Variants in GPHN observed in about 807,000 individuals in gnomAD.
The protein encoded by GPHN is gephyrin.
A neutral mutation model predicts 95.5 loss-of-function variants in GPHN; 17 were observed. The observed-to-expected ratio is 0.18, with a 90% CI of 0.12 to 0.27. The LOEUF (loss-of-function observed/expected upper bound fraction) is 0.27, where lower values mean the gene tolerates loss of function less well. Ranked by LOEUF, GPHN falls within the 10% of genes least tolerant of loss-of-function variation. GPHN has a pLI of 1.00. For synonymous variants in GPHN, 320 were observed against 322.5 expected, an observed-to-expected ratio of 0.99 and a Z score of 0.08; for missense variants, 660 against 978.1, an observed-to-expected ratio of 0.67 and a Z score of 4.34.
At chr14:67,067,764 C>T (rs1173851677) in intron 11 of GPHN, among the ~76,000 whole-genome samples, 1 of 152,216 alleles carries the variant, frequency 6.6e-6, no homozygotes, top group East Asian at 1.9e-4. Context: ...CCAAGCCAGG[C>T]ATGGGAGAGA....
chr14:66,915,721 A>G (rs546222066), intron 5 of GPHN, among the ~76,000 whole-genome samples: 5 of 152,300 alleles, frequency 3.3e-5, no homozygotes, highest in South Asian at 2.1e-4. Context: ...CTGAAGTTAG[A>G]CAAAATAGGT....
chr14:66,514,876 G>T (rs936447054), intron 1 of GPHN, among the ~76,000 whole-genome samples: 1 of 151,966 alleles, frequency 6.6e-6, no homozygotes, highest in Non-Finnish European at 1.5e-5. Context: ...TCTATATGTG[G>T]GAGGCTGCAT....
intron 9 of GPHN, among the ~76,000 whole-genome samples, chr14:66,979,150 C>G (rs941274358): frequency 6.6e-6 from 1 of 152,202 alleles, no homozygotes; most frequent in Non-Finnish European, 1.5e-5. Flanking sequence ...CATAGTACTT[C>G]CAGAATGGTC....
At chr14:67,583,320 G>A in the GPHN span, among the ~76,000 whole-genome samples, 1 of 152,052 alleles carries the variant, frequency 6.6e-6, no homozygotes, top group Non-Finnish European at 1.5e-5. Flanking sequence ...ACTTGATCAG[G>A]GACACAAAGC....
chr14:66,675,476 G>A (rs1470762193), intron 1 of GPHN, among the ~76,000 whole-genome samples: 1 of 151,996 alleles, frequency 6.6e-6, no homozygotes, highest in Non-Finnish European at 1.5e-5. Context: ...ATTTTTTGAT[G>A]GGTTGTGTGA....
the GPHN span, among the ~76,000 whole-genome samples, chr14:67,568,373 C>T: frequency 1.3e-5 from 2 of 152,074 alleles, no homozygotes; most frequent in Admixed American, 1.3e-4. Flanking sequence ...CATGTTCTCA[C>T]TTACAAGTGG....
chr14:67,252,872 AAC>A, the GPHN span, among the ~76,000 whole-genome samples: 1 of 152,240 alleles, frequency 6.6e-6, no homozygotes, highest in African/African-American at 2.4e-5. Context: ...TGACATTTGA[AAC>A]ACAATTTCAT....
chr14:66,850,724 T>C (rs977117595), intron 4 of GPHN, among the ~76,000 whole-genome samples: 3 of 152,102 alleles, frequency 2.0e-5, no homozygotes, highest in African/African-American at 7.2e-5. Flanking sequence ...AAAATGTTAA[T>C]GCAGAGATTG....
At chr14:66,762,125 CT>C (rs1402247541) in intron 2 of GPHN, among the ~76,000 whole-genome samples, 3 of 138,358 alleles carry the variant, frequency 2.2e-5, no homozygotes, top group Non-Finnish European at 4.5e-5. Flanking sequence ...AAAATAAAAC[CT>C]TTTGAAAGGT....
intron 1 of GPHN, among the ~76,000 whole-genome samples, chr14:66,605,135 G>A (rs553518253): frequency 1.3e-5 from 2 of 152,038 alleles, no homozygotes; most frequent in South Asian, 2.1e-4. Flanking sequence ...ATATCTTTGC[G>A]ATCGTGAATA....
the GPHN span, among the ~76,000 whole-genome samples, chr14:67,672,935 G>A: frequency 6.6e-6 from 1 of 152,122 alleles, no homozygotes; most frequent in Non-Finnish European, 1.5e-5. Flanking sequence ...CCTGCTCTTC[G>A]CTGAACACAC....
chr14:67,036,498 C>T (rs1485842341), intron 10 of GPHN, among the ~76,000 whole-genome samples: 8 of 138,842 alleles, frequency 5.8e-5, no homozygotes, highest in South Asian at 2.3e-4. Flanking sequence ...TATATACATA[C>T]ATGCACACAC....
At chr14:67,036,723 C>T (rs1394234626) in intron 10 of GPHN, among the ~76,000 whole-genome samples, 1 of 151,702 alleles carries the variant, frequency 6.6e-6, no homozygotes, top group Non-Finnish European at 1.5e-5. Flanking sequence ...TAGGAATAAA[C>T]TTAATGGAGA....
intron 1 of GPHN, among the ~76,000 whole-genome samples, chr14:66,671,284 A>G (rs1024404306): frequency 1.3e-5 from 2 of 152,198 alleles, no homozygotes; most frequent in African/African-American, 2.4e-5. Flanking sequence ...CTTAATGAAG[A>G]TAAGAAGTGG....
chr14:66,995,909 G>A (rs995449706), intron 9 of GPHN, among the ~76,000 whole-genome samples: 2 of 152,110 alleles, frequency 1.3e-5, no homozygotes, highest in African/African-American at 2.4e-5. Flanking sequence ...TCTTAAATGA[G>A]GATCTTCTCA....
intron 1 of GPHN, among the ~76,000 whole-genome samples, chr14:66,670,836 T>A (rs1236295344): frequency 6.6e-6 from 1 of 152,150 alleles, no homozygotes; most frequent in Non-Finnish European, 1.5e-5. Flanking sequence ...GTTAAATATT[T>A]TAGATTTTGT....
intron 1 of GPHN, among the ~76,000 whole-genome samples, chr14:66,663,642 C>G (rs1007688615): frequency 6.6e-6 from 1 of 152,044 alleles, no homozygotes; most frequent in African/African-American, 2.4e-5. Flanking sequence ...CAATACTAAC[C>G]TCAAATGAAA....
chr14:67,198,298 T>C, the GPHN span: 5 of 1,613,582 alleles, frequency 3.1e-6, no homozygotes, highest in Non-Finnish European at 8.5e-7. Flanking sequence ...TCTCCTCCCA[T>C]GTTAGAGAGC....
chr14:67,667,719 C>T, the GPHN span, among the ~76,000 whole-genome samples: 2 of 151,996 alleles, frequency 1.3e-5, no homozygotes, highest in Non-Finnish European at 2.9e-5. Context: ...CCGAGGCGGG[C>T]GGATCACGAG....
Sources: gnomAD v4.1 joint callset for allele counts (sites outside exome capture counted in the v4.1 genomes callset) on GRCh38, gnomAD v4.1.1 for gene constraint, MANE v1.5 for transcripts, NCBI Gene and HGNC (gene_info 2026-07-23, HGNC 2026-07-21) for gene names.